PPP1R1C: variants seen among roughly 807,000 people sequenced by gnomAD.
PPP1R1C encodes protein phosphatase 1 regulatory subunit 1C.
In PPP1R1C, 15 loss-of-function variants were observed where a neutral mutation model predicts 17.4. The observed-to-expected ratio is 0.86, with a 90% CI of 0.58 to 1.33. The LOEUF (loss-of-function observed/expected upper bound fraction) is 1.33. Among genes scored for constraint, PPP1R1C ranks in the 40% most tolerant of loss-of-function variants. The pLI is 0.00. For synonymous variants in PPP1R1C, 35 were observed against 43.1 expected (o/e 0.81, Z 0.73); for missense variants, 143 against 130.0 (o/e 1.10, Z -0.48).
At chr2:182,053,310 G>A (rs970653809) in intron 2 of PPP1R1C, among the ~76,000 whole-genome samples, 4 of 152,190 alleles carry the variant, frequency 2.6e-5, no homozygotes, top group Admixed American at 1.3e-4. Context: ...CACTTTGAGC[G>A]AATAGTTGAT....
rs748905685 is a variant in PPP1R1C at position 181,992,878 on chromosome 2, T to C, written c.142+4979T>C. ...CATAAGAGATATATGATACTAAATA[T>C]AATACTATCTCCTTTCAAATTTGAT... is the stretch of plus-strand genomic sequence containing the variant. On this transcript the variant is annotated intron_variant, in intron 2 of 4. Transcript: ENST00000682840. Among the ~76,000 whole-genome samples the C allele has an allele frequency of 2.6e-5, 4 of 152,132 alleles. 1 individual carries two copies. Among genetic ancestry groups the C allele is most frequent in the Non-Finnish European group, 5.9e-5 (4 of 68,008 alleles).
chr2:182,080,685 A>G lies in PPP1R1C; in HGVS notation c.241+16894A>G, dbSNP rs144195098. Among the ~76,000 whole-genome samples, 23 of 152,228 alleles carry G rather than the reference A, an allele frequency of 1.5e-4. No homozygotes were observed. In the East Asian group the frequency reaches 1.9e-3, roughly 13 times the overall value. On this transcript the variant is annotated intron_variant, in intron 4 of 4. Transcript: ENST00000682840. ...TTGGCCTTATTTAGTGGCCCTGCAT[A>G]CAAGCTGACTCATTGCAGAAAAGGA...
intron 4 of PPP1R1C, among the ~76,000 whole-genome samples, chr2:182,077,440 T>C (rs1033620700): frequency 2.6e-5 from 4 of 152,176 alleles, no homozygotes; most frequent in Non-Finnish European, 5.9e-5. Context: ...TAATTAATTG[T>C]TGAATCACCA....
chr2:182,079,161 G>A (rs150239795), intron 4 of PPP1R1C, among the ~76,000 whole-genome samples: 124 of 152,306 alleles, frequency 8.1e-4, no homozygotes, highest in African/African-American at 2.9e-3. Context: ...TTCTGATGAA[G>A]AGGATTTAGA....
chr2:182,004,133 A>G (rs1363312104), intron 2 of PPP1R1C, among the ~76,000 whole-genome samples: 2 of 152,210 alleles, frequency 1.3e-5, no homozygotes, highest in Non-Finnish European at 1.5e-5. Context: ...AAAAGATCTC[A>G]GAAAAAGTGT....
intron 4 of PPP1R1C, among the ~76,000 whole-genome samples, chr2:182,067,845 C>G (rs1313069018): frequency 6.6e-6 from 1 of 152,082 alleles, no homozygotes; most frequent in Non-Finnish European, 1.5e-5. Flanking sequence ...TACTTGGAAA[C>G]AGAGTTTATT....
chr2:181,988,070 G>A (rs183176845), intron 2 of PPP1R1C, among the ~76,000 whole-genome samples, 171 bp downstream of exon 2: 1 of 152,156 alleles, frequency 6.6e-6, no homozygotes, highest in Non-Finnish European at 1.5e-5. Flanking sequence ...AAATATTACA[G>A]GAATAATCTC....
chr2:182,061,614 A>C, intron 3 of PPP1R1C, 135 bp downstream of exon 3: 1 of 483,850 alleles, frequency 2.1e-6, no homozygotes, highest in South Asian at 4.4e-5. Context: ...CTGAATAAAC[A>C]GTAATATAGT....
At chr2:182,012,124 C>A (rs1244118103) in intron 2 of PPP1R1C, among the ~76,000 whole-genome samples, 1 of 151,860 alleles carries the variant, frequency 6.6e-6, no homozygotes, top group Non-Finnish European at 1.5e-5. Flanking sequence ...TCTATTAGGT[C>A]CATTTTATCT....
At position 181,962,282 on chromosome 2, in the gene PPP1R1C, C is replaced by A; in HGVS notation, n.111+7648C>A. On this transcript the variant is annotated intron_variant and non_coding_transcript_variant, in intron 1 of 5. Coordinates refer to the PPP1R1C transcript ENST00000464264. This position sits in a 1 kb window ranked among gnomAD's most constrained non-coding sequence, Gnocchi z 6.0. ...CATTCCTGCCAGACCCCCGGCCATC[C>A]CCGCGGCCAGGTCCCCGGACCCCAT... The A allele has an allele frequency of 1.3e-6, 1 of 744,412 alleles. No homozygotes were observed. The highest frequency in any genetic ancestry group is 1.5e-5 in the South Asian group (1 of 65,486). 46.1% of individuals were successfully genotyped at this position (744,412 alleles called of 1,614,324 possible).
intron 4 of PPP1R1C, among the ~76,000 whole-genome samples, chr2:182,094,806 G>A (rs910825532): frequency 6.6e-6 from 1 of 152,206 alleles, no homozygotes; most frequent in East Asian, 1.9e-4. Context: ...TAATGGAACA[G>A]TAGGCATAAA....
intron 4 of PPP1R1C, among the ~76,000 whole-genome samples, chr2:182,086,189 A>G (rs993854306): frequency 2.0e-5 from 3 of 152,272 alleles, no homozygotes; most frequent in African/African-American, 4.8e-5. Context: ...AAATGTTATC[A>G]TCATTATATC....
chr2:182,058,489 T>G (rs961708031), intron 2 of PPP1R1C, among the ~76,000 whole-genome samples: 1 of 152,228 alleles, frequency 6.6e-6, no homozygotes, highest in Admixed American at 6.6e-5. Flanking sequence ...CCTGCTCCTT[T>G]TCCATACTGC....
At chr2:181,986,998 C>T (rs1466009885) in intron 1 of PPP1R1C, among the ~76,000 whole-genome samples, 3 of 151,936 alleles carry the variant, frequency 2.0e-5, no homozygotes, top group East Asian at 3.9e-4. Context: ...TTATTTAATC[C>T]GTGACTCATA....
At chr2:182,026,250 T>C (rs1331454336) in intron 2 of PPP1R1C, among the ~76,000 whole-genome samples, 2 of 118,944 alleles carry the variant, frequency 1.7e-5, no homozygotes, top group Admixed American at 9.0e-5. Flanking sequence ...TTTGTTGCCA[T>C]TGCTTTTGGT....
chr2:182,066,312 C>T (rs550520284), intron 4 of PPP1R1C, among the ~76,000 whole-genome samples: 7 of 152,192 alleles, frequency 4.6e-5, no homozygotes, highest in East Asian at 1.9e-4. Flanking sequence ...ATTGTTACAT[C>T]GGCATGTTAT....
chr2:182,082,878 T>C lies in PPP1R1C; in HGVS notation c.241+19087T>C, dbSNP rs139389978. Reference sequence around the variant, plus strand: ...AGCAAAAAGGTACCTGTTGGGAAGCTGCAACACTTGGTGGAGTCTAATAAT... The same window carrying C: ...AGCAAAAAGGTACCTGTTGGGAAGCCGCAACACTTGGTGGAGTCTAATAAT... On this transcript the variant is annotated intron_variant, in intron 4 of 4. Coordinates refer to ENST00000682840, the MANE Select transcript of PPP1R1C (RefSeq NM_001080545.3). 1.3e-3 allele frequency among the ~76,000 whole-genome samples: 193 copies of C among 152,220 alleles called. 1 individual carries two copies. Among genetic ancestry groups the C allele is most frequent in the African/African-American group, 4.2e-3 (174 of 41,530 alleles).
chr2:182,116,655 T>G (rs567130606), intron 4 of PPP1R1C, among the ~76,000 whole-genome samples: 25 of 152,302 alleles, frequency 1.6e-4, no homozygotes, highest in African/African-American at 6.0e-4. Flanking sequence ...GGCAAATGTA[T>G]GCCAATGTTT....
chr2:182,030,487 G>C (rs1473153934), intron 2 of PPP1R1C, among the ~76,000 whole-genome samples: 53 of 150,248 alleles, frequency 3.5e-4, no homozygotes, highest in South Asian at 2.1e-4. Flanking sequence ...AGATGTCAGT[G>C]TGCCCCTGCT....
Sources: allele counts gnomAD v4.1 joint callset (sites outside exome capture counted in the v4.1 genomes callset), GRCh38; gene constraint gnomAD v4.1.1; non-coding constraint Gnocchi (gnomAD v3.1); transcripts MANE v1.5; gene names NCBI Gene and HGNC (gene_info 2026-07-23, HGNC 2026-07-21).